DIP2C: variants seen among roughly 807,000 people sequenced by gnomAD.
DIP2C encodes DIP2 acetate--CoA ligase C (putative), also known as disco-interacting protein 2 homolog C.
In DIP2C, 33 loss-of-function variants were observed where a neutral mutation model predicts 192.4. That is an observed-to-expected ratio of 0.17 (90% CI 0.13 to 0.23). DIP2C has a LOEUF of 0.23. DIP2C is among the 10% of genes least tolerant of loss of function. The pLI, the probability that DIP2C is intolerant of heterozygous loss-of-function variation, is 1.00. For missense variants in DIP2C, 1,537 were observed against 2,110.1 expected (o/e 0.73, Z 5.32); for synonymous variants, 979 against 864.1 (o/e 1.13, Z -2.33).
At chr10:347,856 ACGCGTCGCGCATAGCTCTCCCGGAAACCC>A (rs1958583535) in intron 26 of DIP2C, among the ~76,000 whole-genome samples, 1 of 106,394 alleles carries the variant, frequency 9.4e-6, no homozygotes, top group Non-Finnish European at 2.0e-5. Flanking sequence ...ACGCACCCAG[ACGCGTCGCGCATAGCTCTCCCGGAAACCC>A]CACACGCACC....
At chr10:671,771 CGCCACAGACGCACGGACGGAGGAAACAG>C (rs1830655237) in intron 1 of DIP2C, among the ~76,000 whole-genome samples, 2 of 106,672 alleles carry the variant, frequency 1.9e-5, no homozygotes, top group African/African-American at 7.6e-5. Flanking sequence ...ACGGAGGAAA[CGCCACAGACGCACGGACGGAGGAAACAG>C]GCCACAGACG....
At chr10:518,207 G>A (rs1846485436) in intron 1 of DIP2C, among the ~76,000 whole-genome samples, 1 of 152,232 alleles carries the variant, frequency 6.6e-6, no homozygotes, top group South Asian at 2.1e-4. Context: ...CCTCTTCTCT[G>A]CTGACCCGTC....
intron 14 of DIP2C, among the ~76,000 whole-genome samples, chr10:385,269 G>A (rs1033034979): frequency 1.3e-5 from 2 of 152,072 alleles, no homozygotes; most frequent in Non-Finnish European, 2.9e-5. Context: ...AGGGATGGCT[G>A]GTCTGCATGA....
At chr10:525,869 C>T (rs1408712752) in intron 1 of DIP2C, among the ~76,000 whole-genome samples, 3 of 152,236 alleles carry the variant, frequency 2.0e-5, no homozygotes, top group Middle Eastern at 3.4e-3. Context: ...GGTAGTCAAC[C>T]CAGGGCCTCT....
intron 17 of DIP2C, among the ~76,000 whole-genome samples, chr10:375,204 A>G (rs10751932): frequency 0.98 from 149,960 of 152,372 alleles, 73,837 homozygotes; most frequent in Middle Eastern, 1. Flanking sequence ...TCGCAGTAAC[A>G]CGAGAGTTCT....
intron 1 of DIP2C, among the ~76,000 whole-genome samples, chr10:640,088 C>T (rs1008594910): frequency 1.3e-5 from 2 of 151,234 alleles, no homozygotes; most frequent in South Asian, 2.1e-4. Context: ...CATCTCCACG[C>T]GGCTAAATCT....
intron 8 of DIP2C, 72 bp downstream of exon 8, chr10:413,822 GTGAGGATGTAAACGGACAC>G: frequency 6.7e-7 from 1 of 1,487,750 alleles, no homozygotes; most frequent in Non-Finnish European, 9.1e-7. Context: ...ATTACCTTAA[GTGAGGATGTAAACGGACAC>G]TGAGTTTCCT....
chr10:581,358 A>G (rs189266729), intron 1 of DIP2C, among the ~76,000 whole-genome samples: 35 of 152,368 alleles, frequency 2.3e-4, no homozygotes, highest in Admixed American at 2.2e-3. Flanking sequence ...GACAAAATAC[A>G]GGCAGTCTTC....
chr10:292,820 C>A (rs931418196), intron 32 of DIP2C, among the ~76,000 whole-genome samples: 1 of 152,222 alleles, frequency 6.6e-6, no homozygotes, highest in South Asian at 2.1e-4. Context: ...GAGACTCTTT[C>A]TTCCTCCAAC....
At chr10:578,506 T>TG (rs1206661426) in intron 1 of DIP2C, among the ~76,000 whole-genome samples, 1 of 152,240 alleles carries the variant, frequency 6.6e-6, no homozygotes, top group African/African-American at 2.4e-5. Flanking sequence ...GAGCTGTTTA[T>TG]GATGTCAGGA....
At chr10:613,263 C>G (rs535444651) in intron 1 of DIP2C, among the ~76,000 whole-genome samples, 35 of 152,368 alleles carry the variant, frequency 2.3e-4, no homozygotes, top group African/African-American at 8.2e-4. Flanking sequence ...AGAGGACGCT[C>G]GGACAGTCCC....
intron 1 of DIP2C, among the ~76,000 whole-genome samples, chr10:670,320 ACACATG>A (rs1000793439): frequency 1.8e-4 from 28 of 152,250 alleles, no homozygotes; most frequent in Non-Finnish European, 2.5e-4. Context: ...ACATGCATAT[ACACATG>A]CACATGCGCA....
At chr10:437,947 T>C (rs890593793) in intron 4 of DIP2C, 9 of 152,194 alleles carry the variant, frequency 5.9e-5, no homozygotes, top group Non-Finnish European at 7.4e-5. Flanking sequence ...TTTGTTCAAG[T>C]AAGCAGGGTA....
chr10:379,149 C>A (rs1161693118), intron 17 of DIP2C, among the ~76,000 whole-genome samples: 1 of 148,750 alleles, frequency 6.7e-6, no homozygotes, highest in East Asian at 2.0e-4. Flanking sequence ...CTCCCACATA[C>A]CCATCGCCAG....
rs1314259084 is a variant in DIP2C, at chr10:364,432, C to T, written c.2419G>A (p.Asp807Asn). Residue 807 changes from aspartate to asparagine, a missense_variant, in exon 20 of 37, where the codon GAC becomes AAC. By Grantham distance (23) the Asp-to-Asn change is conservative (BLOSUM62 1). Coordinates refer to ENST00000280886, the MANE Select transcript of DIP2C (RefSeq NM_014974.3). ...GCCAGCGCAGTGGCCACGATGTCGT[C>T]GGCGTTGTGCCTGCGCCCGCTGACC... is the stretch of plus-strand genomic sequence containing the variant. The part of the protein sequence containing the change: ...MVVSGRRHNA[D>N]DIVATALAVE... 3.1e-6 allele frequency: 5 copies of T among 1,614,092 alleles called. No individual in the cohort carries two copies. Among genetic ancestry groups the T allele is most frequent in the African/African-American group, 1.3e-5 (1 of 75,050 alleles).
chr10:432,259 G>C (rs963156178), intron 4 of DIP2C, among the ~76,000 whole-genome samples: 3 of 152,150 alleles, frequency 2.0e-5, no homozygotes, highest in Non-Finnish European at 4.4e-5. Context: ...AGAGATTGTA[G>C]AGAATTGGCA....
At chr10:289,255 AC>A (rs1955345589) in intron 32 of DIP2C, among the ~76,000 whole-genome samples, 1 of 137,666 alleles carries the variant, frequency 7.3e-6, no homozygotes, top group African/African-American at 2.7e-5. Context: ...CACCCTTCCT[AC>A]CATCCCCCAG....
At chr10:385,804 G>C (rs921790306) in intron 14 of DIP2C, among the ~76,000 whole-genome samples, 4 of 152,136 alleles carry the variant, frequency 2.6e-5, no homozygotes, top group African/African-American at 9.7e-5. Context: ...GGTGGGGGCA[G>C]ACGAGAGGGC....
chr10:606,338 C>A (rs1342948559), intron 1 of DIP2C, among the ~76,000 whole-genome samples: 1 of 152,200 alleles, frequency 6.6e-6, no homozygotes, highest in Non-Finnish European at 1.5e-5. Context: ...CGCCCCGCTG[C>A]CGTAATTACC....
Sources: allele counts gnomAD v4.1 joint callset (sites outside exome capture counted in the v4.1 genomes callset), GRCh38; gene constraint gnomAD v4.1.1; transcripts MANE v1.5; gene names NCBI Gene and HGNC (gene_info 2026-07-23, HGNC 2026-07-21).